Variants in THSD4 observed in about 807,000 individuals in gnomAD.
THSD4 encodes the protein thrombospondin type 1 domain containing 4.
THSD4 carries 69 observed loss-of-function variants against 119.0 expected under a neutral mutation model. That is an observed-to-expected ratio of 0.58 (90% CI 0.48 to 0.71). The LOEUF (loss-of-function observed/expected upper bound fraction) is 0.71, where lower values mean the gene tolerates loss of function less well. Among genes scored for constraint, THSD4 ranks in the 30% least tolerant of loss-of-function variants. The probability of loss-of-function intolerance (pLI) is 0.00; values close to 1 mark genes in which losing one functional copy is unlikely to be tolerated. For missense variants in THSD4, 1,393 were observed against 1,391.1 expected, an observed-to-expected ratio of 1.00 and a Z score of -0.02; for synonymous variants, 524 against 540.4, an observed-to-expected ratio of 0.97 and a Z score of 0.42.
intron 6 of THSD4, among the ~76,000 whole-genome samples, chr15:71,355,391 C>T (rs984527225): frequency 7.2e-5 from 11 of 152,112 alleles, no homozygotes; most frequent in South Asian, 2.1e-4. Context: ...CTGTGTGTGT[C>T]ATGTGTGTGT....
intron 1 of THSD4, among the ~76,000 whole-genome samples, chr15:71,098,893 G>A (rs575019822): frequency 6.6e-6 from 1 of 152,288 alleles, no homozygotes; most frequent in East Asian, 1.9e-4. Context: ...ATTGGATTTT[G>A]TGTTTCAAAA....
rs375369333 is a variant in THSD4 at position 71,437,618 on chromosome 15, G to T, written c.1152+25795G>T. ...ACCTTGAGGTGCTTACTTCAGTCCA[G>T]CATGTTAAAGTGCTATATTTTCGGG... On this transcript the variant is annotated intron_variant, in intron 7 of 17. Transcript: ENST00000261862. Among the ~76,000 whole-genome samples, 262 of 152,298 alleles carry T rather than the reference G, an allele frequency of 1.7e-3. 4 individuals are homozygous for T. Among genetic ancestry groups the T allele is most frequent in the South Asian group, 0.016 (78 of 4,822 alleles).
intron 8 of THSD4, among the ~76,000 whole-genome samples, chr15:71,664,568 T>C (rs2051377749): frequency 6.6e-6 from 1 of 152,188 alleles, no homozygotes; most frequent in Non-Finnish European, 1.5e-5. Context: ...TAAAATCACG[T>C]CACTGGGGTT....
chr15:71,735,692 C>T (rs1243615564), intron 10 of THSD4, among the ~76,000 whole-genome samples: 1 of 150,636 alleles, frequency 6.6e-6, no homozygotes, highest in Non-Finnish European at 1.5e-5. Flanking sequence ...CTTTCTGTCT[C>T]TGTCTCTGTC....
At chr15:71,484,077 T>A (rs1028218886) in intron 7 of THSD4, among the ~76,000 whole-genome samples, 1 of 152,192 alleles carries the variant, frequency 6.6e-6, no homozygotes, top group Non-Finnish European at 1.5e-5. Context: ...ATATTTCACA[T>A]TGGACCCATT....
chr15:71,401,293 G>C (rs2046528653), intron 6 of THSD4, among the ~76,000 whole-genome samples: 1 of 152,190 alleles, frequency 6.6e-6, no homozygotes. Context: ...TTTGAATAGA[G>C]ATGGGAGGGA....
intron 5 of THSD4, 84 bp downstream of exon 5, chr15:71,243,180 C>T: frequency 7.2e-7 from 1 of 1,386,518 alleles, no homozygotes; most frequent in Admixed American, 2.3e-5. Context: ...ATGAAGACAG[C>T]AAGGATATGG....
rs530661811 is a variant in THSD4, at chr15:71,319,803, G to C, written c.1015+63088G>C. On this transcript the variant is annotated intron_variant, in intron 6 of 17. Transcript: ENST00000261862. ...TGCCCTGTTAAAAGTCAGTTAGGAT[G>C]GCCCTGAATGTGAGTTTTGCTAGGC... is the stretch of plus-strand genomic sequence containing the variant. 1.5e-4 allele frequency among the ~76,000 whole-genome samples: 23 copies of C among 152,206 alleles called. 1 individual carries two copies. In the South Asian group the frequency reaches 4.8e-3, roughly 32 times the overall value.
chr15:71,103,757 G>A (rs1422283774), intron 1 of THSD4, among the ~76,000 whole-genome samples: 8 of 151,644 alleles, frequency 5.3e-5, no homozygotes, highest in African/African-American at 1.9e-4. Flanking sequence ...TTGCCTGTGG[G>A]CTGAGGCTGG....
chr15:71,730,136 C>G (rs2052946667), intron 9 of THSD4: 1 of 152,196 alleles, frequency 6.6e-6, no homozygotes, highest in Non-Finnish European at 1.5e-5. Flanking sequence ...CTGGAAAGGA[C>G]CTTTGAAAGT....
chr15:71,204,579 GAT>G (rs2140241372), intron 3 of THSD4, among the ~76,000 whole-genome samples: 1 of 152,250 alleles, frequency 6.6e-6, no homozygotes, highest in East Asian at 1.9e-4. Context: ...TCAGTTTACT[GAT>G]ATGGAAACTG....
chr15:71,365,130 A>ATT (rs561140880), intron 6 of THSD4, among the ~76,000 whole-genome samples: 43 of 48,286 alleles, frequency 8.9e-4, no homozygotes, highest in Non-Finnish European at 4.9e-4. Flanking sequence ...TGCCCCCCCC[A>ATT]TTGTGTGTGT....
At chr15:71,141,420 G>A (rs1214313429) in intron 1 of THSD4, 29 bp from the exon 2 acceptor site, 3 of 1,191,412 alleles carry the variant, frequency 2.5e-6, no homozygotes, top group East Asian at 5.3e-5. Context: ...AGTAAATGTT[G>A]CTAAAAATAA....
chr15:71,523,350 G>A (rs1429090456), intron 7 of THSD4, among the ~76,000 whole-genome samples: 2 of 152,016 alleles, frequency 1.3e-5, no homozygotes, highest in Non-Finnish European at 2.9e-5. Context: ...ATCACCACAC[G>A]GCCTTCTTTT....
At chr15:71,206,300 C>T (rs553453273) in intron 3 of THSD4, among the ~76,000 whole-genome samples, 52 of 152,286 alleles carry the variant, frequency 3.4e-4, no homozygotes, top group African/African-American at 1.2e-3. Flanking sequence ...GCATGAGCCA[C>T]CGCGCCCGGC....
At chr15:71,686,794 CTG>C (rs1253638708) in intron 8 of THSD4, among the ~76,000 whole-genome samples, 1 of 152,178 alleles carries the variant, frequency 6.6e-6, no homozygotes. Context: ...CCTATGGACA[CTG>C]TCACAACTAC....
At chr15:71,121,666 TG>T (rs1361531494) in intron 1 of THSD4, among the ~76,000 whole-genome samples, 1 of 152,196 alleles carries the variant, frequency 6.6e-6, no homozygotes, top group Non-Finnish European at 1.5e-5. Context: ...TGACATCTGT[TG>T]GGTCCTCCAG....
At chr15:71,224,196 G>A (rs2043996349) in intron 4 of THSD4, among the ~76,000 whole-genome samples, 2 of 152,310 alleles carry the variant, frequency 1.3e-5, no homozygotes, top group Admixed American at 6.5e-5. Flanking sequence ...AGCATGTCAT[G>A]TTCATAAATG....
intron 7 of THSD4, among the ~76,000 whole-genome samples, chr15:71,465,759 A>G (rs746673964): frequency 8.5e-5 from 13 of 152,330 alleles, no homozygotes; most frequent in African/African-American, 3.1e-4. Flanking sequence ...TTTGTAAAGC[A>G]TGCAATATCA....
Sources: gnomAD v4.1 joint callset for allele counts (sites outside exome capture counted in the v4.1 genomes callset) on GRCh38, gnomAD v4.1.1 for gene constraint, MANE v1.5 for transcripts, NCBI Gene and HGNC (gene_info 2026-07-23, HGNC 2026-07-21) for gene names.